SEMA5A: variants seen among roughly 807,000 people sequenced by gnomAD.
SEMA5A encodes semaphorin 5A, also known as semaphorin-5A.
Under a neutral mutation model 135.5 loss-of-function variants are expected in SEMA5A, and 55 were observed. That is an observed-to-expected ratio of 0.41 (90% confidence interval 0.33 to 0.51). The LOEUF is 0.51. Ranked by LOEUF, SEMA5A falls within the 20% of genes least tolerant of loss-of-function variation. The pLI, the probability that SEMA5A is intolerant of heterozygous loss-of-function variation, is 0.37. For missense variants in SEMA5A, 1,290 were observed against 1,419.9 expected, an observed-to-expected ratio of 0.91 and a Z score of 1.47; for synonymous variants, 580 against 546.5, an observed-to-expected ratio of 1.06 and a Z score of -0.85.
At chr5:9,536,784 T>C (rs1332512755) in intron 1 of SEMA5A, among the ~76,000 whole-genome samples, 2 of 152,286 alleles carry the variant, frequency 1.3e-5, no homozygotes, top group South Asian at 2.1e-4. Context: ...ATATTAAACT[T>C]AAATAAAATG....
rs144652042 is a variant in SEMA5A at position 9,254,717 on chromosome 5, T to C, written c.271-16827A>G. On this transcript the variant is annotated intron_variant, in intron 5 of 22. Coordinates refer to ENST00000382496, the MANE Select transcript of SEMA5A (RefSeq NM_003966.3). ...GAACCACAGTAGGAGGCAGGAGGAA[T>C]GGAGGACACAGAGCATTATAAACAA... 2.0e-4 allele frequency among the ~76,000 whole-genome samples: 31 copies of C among 152,020 alleles called. No homozygotes were observed. In the East Asian group the frequency reaches 6.0e-3, roughly 29 times the overall value.
At chr5:9,227,296 T>C (rs1054194522) in intron 6 of SEMA5A, among the ~76,000 whole-genome samples, 2 of 152,232 alleles carry the variant, frequency 1.3e-5, no homozygotes, top group African/African-American at 4.8e-5. Flanking sequence ...CAGAAATGAT[T>C]TCATTTTGAA....
chr5:9,444,891 C>G (rs905596138), intron 1 of SEMA5A, among the ~76,000 whole-genome samples: 1 of 152,156 alleles, frequency 6.6e-6, no homozygotes, highest in African/African-American at 2.4e-5. Flanking sequence ...AGGACCCCAG[C>G]CAAGCTGTGC....
chr5:9,068,386 T>G (rs1350795649), intron 16 of SEMA5A, among the ~76,000 whole-genome samples: 1 of 152,146 alleles, frequency 6.6e-6, no homozygotes, highest in Non-Finnish European at 1.5e-5. Flanking sequence ...ACTGCTCCAG[T>G]GTCTTGCCTG....
chr5:9,410,548 T>C (rs1358463173), intron 2 of SEMA5A, among the ~76,000 whole-genome samples: 1 of 152,022 alleles, frequency 6.6e-6, no homozygotes, highest in East Asian at 1.9e-4. Context: ...AAAGAAAAAA[T>C]ACATTCCTCA....
intron 1 of SEMA5A, among the ~76,000 whole-genome samples, chr5:9,458,457 A>C (rs1228876275): frequency 1.3e-5 from 2 of 152,218 alleles, no homozygotes; most frequent in South Asian, 2.1e-4. Context: ...CTCCTTCATC[A>C]AACTTTAAGC....
chr5:9,541,368 C>T (rs16883082), intron 1 of SEMA5A, among the ~76,000 whole-genome samples: 19,106 of 151,902 alleles, frequency 0.13, 1,252 homozygotes, highest in Non-Finnish European at 0.14. Context: ...CTACATGAAC[C>T]CTAGTTTAGC....
intron 4 of SEMA5A, among the ~76,000 whole-genome samples, chr5:9,337,160 T>C (rs1388862857): frequency 6.6e-6 from 1 of 152,152 alleles, no homozygotes; most frequent in Non-Finnish European, 1.5e-5. Context: ...GAGATAAAGA[T>C]AAAAATAACT....
At chr5:9,076,466 TAGA>T (rs1484803421) in intron 16 of SEMA5A, among the ~76,000 whole-genome samples, 4 of 152,042 alleles carry the variant, frequency 2.6e-5, no homozygotes, top group African/African-American at 9.7e-5. Context: ...TGCAGCTGGA[TAGA>T]AGGAGTAAAT....
At chr5:9,221,374 C>A (rs975075560) in intron 8 of SEMA5A, among the ~76,000 whole-genome samples, 1 of 142,642 alleles carries the variant, frequency 7.0e-6, no homozygotes, top group Non-Finnish European at 1.5e-5. Flanking sequence ...GCGATCTCGG[C>A]TTACTGCAAG....
chr5:9,042,735 T>G lies in SEMA5A; in HGVS notation c.*162A>C. On this transcript the variant is annotated 3_prime_UTR_variant, in exon 23 of 23. Coordinates refer to ENST00000382496, the MANE Select transcript of SEMA5A (RefSeq NM_003966.3). ...TGTCTTATTTCAATTTTTGTTGCTT[T>G]TAAAGACGTGTATTTTTGGCAGCAA... 1.3e-6 allele frequency: 1 copy of G among 751,236 alleles called. No individual in the cohort carries two copies. Among genetic ancestry groups the G allele is most frequent in the Non-Finnish European group, 2.1e-6 (1 of 467,986 alleles). 46.5% of individuals were successfully genotyped at this position (751,236 alleles called of 1,614,324 possible).
chr5:9,050,033 A>T (rs972355386), intron 21 of SEMA5A, among the ~76,000 whole-genome samples: 1 of 152,196 alleles, frequency 6.6e-6, no homozygotes, highest in African/African-American at 2.4e-5. Context: ...TATAGTGAAT[A>T]CCGAGACCAC....
chr5:9,280,600 G>C (rs567291403), intron 5 of SEMA5A, among the ~76,000 whole-genome samples: 1 of 152,238 alleles, frequency 6.6e-6, no homozygotes, highest in Non-Finnish European at 1.5e-5. Context: ...GACATTTGAA[G>C]TCCAGTTTCC....
At chr5:9,410,844 C>CA (rs1472929797) in intron 2 of SEMA5A, among the ~76,000 whole-genome samples, 2 of 134,064 alleles carry the variant, frequency 1.5e-5, no homozygotes, top group South Asian at 2.5e-4. Flanking sequence ...AAATGAAAAA[C>CA]AAAAAAAAAT....
At chr5:9,384,069 T>G (rs1443734124) in intron 2 of SEMA5A, among the ~76,000 whole-genome samples, 1 of 152,168 alleles carries the variant, frequency 6.6e-6, no homozygotes, top group Non-Finnish European at 1.5e-5. Flanking sequence ...GACTACAACA[T>G]AGTACCTTTT....
chr5:9,518,027 G>A (rs1052215815), intron 1 of SEMA5A: 10 of 152,046 alleles, frequency 6.6e-5, no homozygotes, highest in Admixed American at 3.9e-4. Context: ...AGACAAAAAC[G>A]TTGAAAATGA....
intron 2 of SEMA5A, among the ~76,000 whole-genome samples, chr5:9,417,349 T>C (rs777144144): frequency 3.3e-5 from 5 of 152,254 alleles, no homozygotes; most frequent in Non-Finnish European, 5.9e-5. Context: ...TTACCATATT[T>C]ACGTGTGCAC....
chr5:9,502,564 C>G (rs1350430569), intron 1 of SEMA5A, among the ~76,000 whole-genome samples: 1 of 152,142 alleles, frequency 6.6e-6, no homozygotes, highest in Non-Finnish European at 1.5e-5. Context: ...GTGTCTTGAG[C>G]TTACAGAGTT....
chr5:9,214,349 G>A (rs1156490375), intron 8 of SEMA5A, among the ~76,000 whole-genome samples: 3 of 152,230 alleles, frequency 2.0e-5, no homozygotes, highest in Non-Finnish European at 2.9e-5. Flanking sequence ...TGTGCTGACA[G>A]CTGACAGCAC....
Sources: gnomAD v4.1 joint callset for allele counts (sites outside exome capture counted in the v4.1 genomes callset) on GRCh38, gnomAD v4.1.1 for gene constraint, MANE v1.5 for transcripts, NCBI Gene and HGNC (gene_info 2026-07-23, HGNC 2026-07-21) for gene names.